PDE4B: variants seen among roughly 807,000 people sequenced by gnomAD.
PDE4B encodes the protein phosphodiesterase 4B.
A neutral mutation model predicts 82.2 loss-of-function variants in PDE4B; 20 were observed. That is an observed-to-expected ratio of 0.24 (90% confidence interval 0.17 to 0.35). PDE4B has a LOEUF of 0.35. PDE4B is among the 10% of genes least tolerant of loss of function. PDE4B has a pLI of 1.00. For synonymous variants in PDE4B, 320 were observed against 318.9 expected (o/e 1.00, Z -0.04); for missense variants, 655 against 907.2 (o/e 0.72, Z 3.57).
At chr1:66,351,430 C>T (rs1388852647) in intron 8 of PDE4B, among the ~76,000 whole-genome samples, 1 of 152,148 alleles carries the variant, frequency 6.6e-6, no homozygotes, top group Non-Finnish European at 1.5e-5. Context: ...GCTATTTTAC[C>T]TTCGAGTCTG....
chr1:66,143,071 G>A (rs1646204087), intron 3 of PDE4B, among the ~76,000 whole-genome samples: 1 of 152,200 alleles, frequency 6.6e-6, no homozygotes, highest in South Asian at 2.1e-4. Flanking sequence ...CAGCTGATTA[G>A]AGTAAGAAGC....
chr1:66,150,961 C>T (rs1046411060), intron 3 of PDE4B, among the ~76,000 whole-genome samples: 19 of 152,094 alleles, frequency 1.2e-4, no homozygotes, highest in Admixed American at 7.9e-4. Context: ...ATTTTTATAT[C>T]AATATTCATA....
chr1:65,798,906 T>C (rs1313678726), intron 1 of PDE4B, among the ~76,000 whole-genome samples: 4 of 151,552 alleles, frequency 2.6e-5, no homozygotes, highest in Non-Finnish European at 5.9e-5. Flanking sequence ...CTATGGAACA[T>C]TTTTTTTTCA....
intron 3 of PDE4B, among the ~76,000 whole-genome samples, chr1:66,235,088 G>T (rs1387751096): frequency 6.6e-6 from 1 of 152,108 alleles, no homozygotes; most frequent in Non-Finnish European, 1.5e-5. Context: ...TTGATTTCTA[G>T]TTTAATTCCG....
chr1:66,272,779 C>CTTTTTTT (rs869201227), intron 7 of PDE4B, among the ~76,000 whole-genome samples: 11 of 61,658 alleles, frequency 1.8e-4, no homozygotes, highest in Admixed American at 2.5e-4. Flanking sequence ...TACTAGAATT[C>CTTTTTTT]TTTTTTTTTT....
intron 3 of PDE4B, among the ~76,000 whole-genome samples, chr1:65,920,991 C>G (rs1426702883): frequency 1.1e-5 from 1 of 89,346 alleles, no homozygotes; most frequent in East Asian, 3.6e-4. Context: ...TTTTTTGAGA[C>G]GGAGTCTCGC....
chr1:66,242,160 T>C (rs1466110381), intron 3 of PDE4B, among the ~76,000 whole-genome samples: 2 of 152,154 alleles, frequency 1.3e-5, no homozygotes, highest in East Asian at 3.8e-4. Flanking sequence ...GGGCACAGAT[T>C]GTAAGGTGTA....
At chr1:66,144,928 A>G (rs919012232) in intron 3 of PDE4B, among the ~76,000 whole-genome samples, 1 of 152,182 alleles carries the variant, frequency 6.6e-6, no homozygotes. Context: ...ACACTTCCAA[A>G]AGTTCCCATC....
intron 3 of PDE4B, among the ~76,000 whole-genome samples, chr1:65,981,041 T>C (rs1370737720): frequency 1.3e-5 from 2 of 152,096 alleles, no homozygotes; most frequent in East Asian, 1.9e-4. Flanking sequence ...TTTGTAGCAA[T>C]AGTAGCCATG....
intron 3 of PDE4B, among the ~76,000 whole-genome samples, chr1:65,985,416 C>G (rs996302621): frequency 6.6e-6 from 1 of 151,764 alleles, no homozygotes; most frequent in East Asian, 1.9e-4. Context: ...TAGATTAATA[C>G]TATGTTATTT....
chr1:65,931,203 G>T (rs1274078654), intron 3 of PDE4B, among the ~76,000 whole-genome samples: 2 of 152,110 alleles, frequency 1.3e-5, no homozygotes, highest in African/African-American at 4.8e-5. Context: ...ATGATTGTAA[G>T]TTTCCTGAGA....
chr1:65,972,973 C>A (rs1345426547), intron 3 of PDE4B, among the ~76,000 whole-genome samples: 1 of 152,070 alleles, frequency 6.6e-6, no homozygotes, highest in Non-Finnish European at 1.5e-5. Context: ...TTTTTGATTG[C>A]ATTTAGGTAA....
At chr1:66,300,820 G>A (rs543911922) in intron 7 of PDE4B, among the ~76,000 whole-genome samples, 12 of 152,142 alleles carry the variant, frequency 7.9e-5, no homozygotes, top group Non-Finnish European at 1.5e-4. Flanking sequence ...ACTGCTGGCC[G>A]TATGCAGTCC....
At chr1:66,157,378 T>C (rs574212435) in intron 3 of PDE4B, among the ~76,000 whole-genome samples, 4 of 152,338 alleles carry the variant, frequency 2.6e-5, no homozygotes, top group South Asian at 4.1e-4. Context: ...GCCAAAGTGA[T>C]ACTTTCAAAT....
chr1:66,098,336 C>A (rs1213766398), intron 3 of PDE4B, among the ~76,000 whole-genome samples: 2 of 152,088 alleles, frequency 1.3e-5, no homozygotes, highest in African/African-American at 4.8e-5. Context: ...GTCTGGGTTC[C>A]CCATCTCTGC....
At chr1:65,793,566 GGAAGCCCTGGAGTA>G (rs1189074713) in intron 1 of PDE4B, among the ~76,000 whole-genome samples, 14 of 152,194 alleles carry the variant, frequency 9.2e-5, no homozygotes. Flanking sequence ...TTCAGGGCTT[GGAAGCCCTGGAGTA>G]GGTGACGGAT....
At chr1:65,905,442 G>A (rs1229590208) in intron 1 of PDE4B, among the ~76,000 whole-genome samples, 1 of 152,002 alleles carries the variant, frequency 6.6e-6, no homozygotes, top group East Asian at 1.9e-4. Flanking sequence ...CATAAGGTGG[G>A]GAAGCAAGTG....
At chr1:66,075,089 G>C (rs1350464772) in intron 3 of PDE4B, among the ~76,000 whole-genome samples, 4 of 152,000 alleles carry the variant, frequency 2.6e-5, no homozygotes, top group Non-Finnish European at 5.9e-5. Context: ...TTCTTGTAGA[G>C]GAGGGCTACT....
chr1:66,101,774 C>T (rs1160636604), intron 3 of PDE4B, among the ~76,000 whole-genome samples: 3 of 152,152 alleles, frequency 2.0e-5, no homozygotes, highest in Non-Finnish European at 2.9e-5. Context: ...TTCTCCCATT[C>T]TGTAGGTTGC....
Sources: gnomAD v4.1 joint callset for allele counts (sites outside exome capture counted in the v4.1 genomes callset) on GRCh38, gnomAD v4.1.1 for gene constraint, MANE v1.5 for transcripts, NCBI Gene and HGNC (gene_info 2026-07-23, HGNC 2026-07-21) for gene names.